LGR5: variants seen among roughly 807,000 people sequenced by gnomAD.
The protein encoded by LGR5 is leucine-rich repeat-containing G protein-coupled receptor 5.
A neutral mutation model predicts 76.7 loss-of-function variants in LGR5; 54 were observed. That is an observed-to-expected ratio of 0.70 (90% CI 0.57 to 0.88). The LOEUF (loss-of-function observed/expected upper bound fraction) is 0.88, where lower values mean the gene tolerates loss of function less well. LGR5 is among the 40% of genes least tolerant of loss of function. The pLI, the probability that LGR5 is intolerant of heterozygous loss-of-function variation, is 0.00. For missense variants in LGR5, 1,078 were observed against 1,073.3 expected, an observed-to-expected ratio of 1.00 and a Z score of -0.06; for synonymous variants, 406 against 421.9, an observed-to-expected ratio of 0.96 and a Z score of 0.46.
Position 71,566,424 on chromosome 12 carries a change from T to C in LGR5, c.878T>C (p.Ile293Thr). The C allele has an allele frequency of 6.2e-7, 1 of 1,601,056 alleles. No homozygotes were observed. The highest frequency in any genetic ancestry group is 8.6e-7 in the Non-Finnish European group (1 of 1,168,464). The change falls in exon 9 of 18, where the codon ATC becomes ACC. Residue 293 changes from isoleucine (I) to threonine (T), a missense_variant. Ile to Thr is a moderately conservative substitution (Grantham distance 89). Transcript: ENST00000266674. ...LITIHFYDNP[I>T]QFVGRSAFQH... Reference sequence around the variant, plus strand: ...TTTAGACATTTCTATGACAATCCCATCCAGTTTGTTGGGAGATCTGCTTTT... The same window carrying C: ...TTTAGACATTTCTATGACAATCCCACCCAGTTTGTTGGGAGATCTGCTTTT...
At chr12:71,550,833 T>G (rs776747456) in intron 4 of LGR5, among the ~76,000 whole-genome samples, 6 of 152,122 alleles carry the variant, frequency 3.9e-5, no homozygotes, top group Non-Finnish European at 8.8e-5. Flanking sequence ...ACATAGAAGC[T>G]CATATTATTA....
intron 1 of LGR5, among the ~76,000 whole-genome samples, chr12:71,498,602 G>A (rs1161350288): frequency 6.6e-6 from 1 of 152,110 alleles, no homozygotes. Flanking sequence ...ATCTCATCAT[G>A]GGGGCTCCTC....
intron 4 of LGR5, among the ~76,000 whole-genome samples, chr12:71,540,842 A>G (rs1053953733): frequency 6.6e-6 from 1 of 152,200 alleles, no homozygotes; most frequent in South Asian, 2.1e-4. Flanking sequence ...AGCCAAAAGA[A>G]TAAGATTAAA....
chr12:71,556,458 C>A (rs1355842733), intron 5 of LGR5, among the ~76,000 whole-genome samples, 161 bp from the exon 6 acceptor site: 1 of 152,160 alleles, frequency 6.6e-6, no homozygotes, highest in Non-Finnish European at 1.5e-5. Flanking sequence ...GGTATAGAAT[C>A]ATCTGTGGTA....
intron 2 of LGR5, among the ~76,000 whole-genome samples, chr12:71,507,251 T>G (rs1355394553): frequency 6.6e-6 from 1 of 152,144 alleles, no homozygotes. Context: ...AGATTCAAAA[T>G]GACTTTCAAA....
At position 71,507,747 on chromosome 12, in the gene LGR5, C is replaced by T. The variant is rs191145774; in HGVS notation, c.284+3062C>T. 3.1e-3 allele frequency among the ~76,000 whole-genome samples: 467 copies of T among 152,082 alleles called. 1 individual carries two copies. The highest frequency in any genetic ancestry group is 0.011 in the African/African-American group (447 of 41,414). On this transcript the variant is annotated intron_variant, in intron 2 of 17. Coordinates refer to ENST00000266674, the MANE Select transcript of LGR5 (RefSeq NM_003667.4). ...TAACTCTCTCTTTCTCTCTCTCTCT[C>T]TCTGGGTGTGTGTGTTTGTGTGTGT...
intron 3 of LGR5, among the ~76,000 whole-genome samples, chr12:71,526,610 G>A (rs1478644233): frequency 6.6e-6 from 1 of 152,148 alleles, no homozygotes; most frequent in African/African-American, 2.4e-5. Context: ...TCATGCCCTT[G>A]AAGAGTTTAT....
chr12:71,462,160 AC>A (rs1182684179), intron 1 of LGR5, among the ~76,000 whole-genome samples: 1 of 152,036 alleles, frequency 6.6e-6, no homozygotes, highest in Non-Finnish European at 1.5e-5. Flanking sequence ...CTCCAGCAAC[AC>A]CCAGGGATGG....
chr12:71,575,896 T>A (rs1482796982), intron 13 of LGR5, among the ~76,000 whole-genome samples: 2 of 152,158 alleles, frequency 1.3e-5, no homozygotes, highest in Non-Finnish European at 2.9e-5. Flanking sequence ...CACCATGGAA[T>A]ACTACGCAGC....
intron 3 of LGR5, among the ~76,000 whole-genome samples, chr12:71,530,858 A>G (rs1404725801): frequency 6.6e-6 from 1 of 151,098 alleles, no homozygotes; most frequent in Non-Finnish European, 1.5e-5. Context: ...CTTGATGGTT[A>G]CTTGATATCT....
intron 4 of LGR5, among the ~76,000 whole-genome samples, chr12:71,545,458 A>G (rs1378390189): frequency 6.6e-6 from 1 of 152,198 alleles, no homozygotes; most frequent in African/African-American, 2.4e-5. Context: ...TCTCAAAAAA[A>G]TAAATAAATA....
chr12:71,566,537 T>C, intron 9 of LGR5, 62 bp downstream of exon 9: 2 of 1,532,702 alleles, frequency 1.3e-6, no homozygotes, highest in Non-Finnish European at 1.8e-6. Context: ...AAAAACCAAA[T>C]GAATATTATA....
At chr12:71,446,234 A>C (rs1871984350) in intron 1 of LGR5, among the ~76,000 whole-genome samples, 1 of 152,220 alleles carries the variant, frequency 6.6e-6, no homozygotes, top group Non-Finnish European at 1.5e-5. Flanking sequence ...ACACAAGGCC[A>C]CTGGCCACAA....
At chr12:71,568,084 A>G (rs922552828) in intron 11 of LGR5, among the ~76,000 whole-genome samples, 3 of 152,158 alleles carry the variant, frequency 2.0e-5, no homozygotes, top group Admixed American at 6.6e-5. Flanking sequence ...TTCTCCAGAA[A>G]ACTGGCGCAG....
At chr12:71,476,011 G>A (rs1337684498) in intron 1 of LGR5, among the ~76,000 whole-genome samples, 2 of 152,110 alleles carry the variant, frequency 1.3e-5, no homozygotes, top group Non-Finnish European at 2.9e-5. Flanking sequence ...GACACGCAGG[G>A]TTCCTCTGTT....
At chr12:71,504,532 T>C in intron 1 of LGR5, 82 bp from the exon 2 acceptor site, 2 of 1,051,070 alleles carry the variant, frequency 1.9e-6, no homozygotes. Context: ...ACTGTATTGT[T>C]TGGAAATGTG....
chr12:71,453,396 T>C (rs1872328242), intron 1 of LGR5, among the ~76,000 whole-genome samples: 1 of 151,962 alleles, frequency 6.6e-6, no homozygotes, highest in African/African-American at 2.4e-5. Context: ...AGGAGTCTAC[T>C]CCTCAGATAG....
In LGR5 at chr12:71,545,633, T is replaced by C. The variant is rs79086774; in HGVS notation, c.429-7440T>C. On this transcript the variant is annotated intron_variant, in intron 4 of 17. Transcript: ENST00000266674. ...AGTCATCCATGTTAATAATTGACAT[T>C]ATTACAGTCATCTCAGATATGGAAT... is the stretch of plus-strand genomic sequence containing the variant. 2.0e-4 allele frequency among the ~76,000 whole-genome samples: 30 copies of C among 152,268 alleles called. No individual in the cohort carries two copies. In the East Asian group the frequency reaches 4.0e-3, roughly 21 times the overall value.
chr12:71,521,083 C>T (rs981808454), intron 2 of LGR5, among the ~76,000 whole-genome samples: 6 of 152,060 alleles, frequency 3.9e-5, no homozygotes, highest in Admixed American at 6.6e-5. Flanking sequence ...CAGCAACATG[C>T]GATGTCTGTG....
Sources: gnomAD v4.1 joint callset for allele counts (sites outside exome capture counted in the v4.1 genomes callset) on GRCh38, gnomAD v4.1.1 for gene constraint, MANE v1.5 for transcripts, NCBI Gene and HGNC (gene_info 2026-07-23, HGNC 2026-07-21) for gene names.